GRIK2: variants seen among roughly 807,000 people sequenced by gnomAD.
GRIK2 encodes glutamate receptor ionotropic, kainate 2.
A neutral mutation model predicts 100.3 loss-of-function variants in GRIK2; 32 were observed. That is an observed-to-expected ratio of 0.32 (90% CI 0.24 to 0.43). The LOEUF is 0.43. GRIK2 is among the 20% of genes least tolerant of loss of function. The pLI, the probability that GRIK2 is intolerant of heterozygous loss-of-function variation, is 1.00. For missense variants in GRIK2, 843 were observed against 1,114.9 expected, an observed-to-expected ratio of 0.76 and a Z score of 3.47; for synonymous variants, 417 against 389.4, an observed-to-expected ratio of 1.07 and a Z score of -0.83.
chr6:101,835,651 G>A (rs2128430673), intron 10 of GRIK2, among the ~76,000 whole-genome samples: 1 of 149,482 alleles, frequency 6.7e-6, no homozygotes, highest in East Asian at 2.0e-4. Context: ...TTGTATTTTA[G>A]TAGAGATGGG....
intron 7 of GRIK2, among the ~76,000 whole-genome samples, chr6:101,715,342 C>T (rs1773991225): frequency 6.6e-6 from 1 of 151,624 alleles, no homozygotes; most frequent in African/African-American, 2.4e-5. Context: ...AGGGACAGAT[C>T]CCCCACCTGA....
intron 2 of GRIK2, among the ~76,000 whole-genome samples, chr6:101,461,910 T>A (rs891656481): frequency 3.3e-5 from 5 of 152,198 alleles, no homozygotes; most frequent in Admixed American, 6.5e-5. Context: ...ACCAGCATGT[T>A]GGAGTGTTAT....
At chr6:101,934,070 T>C (rs1031487726) in intron 14 of GRIK2, among the ~76,000 whole-genome samples, 3 of 151,804 alleles carry the variant, frequency 2.0e-5, no homozygotes, top group African/African-American at 7.2e-5. Context: ...TTCCAGCTCA[T>C]TTATCTTCAG....
intron 11 of GRIK2, among the ~76,000 whole-genome samples, 188 bp downstream of exon 11, chr6:101,859,681 T>C (rs948634171): frequency 6.6e-6 from 1 of 152,198 alleles, no homozygotes; most frequent in African/African-American, 2.4e-5. Context: ...TATATAGCCC[T>C]ATATATGTAA....
At chr6:101,546,016 T>C (rs1413799900) in intron 2 of GRIK2, among the ~76,000 whole-genome samples, 2 of 151,792 alleles carry the variant, frequency 1.3e-5, no homozygotes, top group Non-Finnish European at 1.5e-5. Flanking sequence ...CATTCATCTC[T>C]TCCATGCAGC....
intron 7 of GRIK2, among the ~76,000 whole-genome samples, chr6:101,752,141 T>C (rs1352437609): frequency 6.6e-6 from 1 of 152,236 alleles, no homozygotes; most frequent in African/African-American, 2.4e-5. Flanking sequence ...CCTTATATGT[T>C]AATTTTTGTA....
At chr6:101,696,436 G>A (rs1053129158) in intron 7 of GRIK2, among the ~76,000 whole-genome samples, 1 of 151,428 alleles carries the variant, frequency 6.6e-6, no homozygotes, top group Non-Finnish European at 1.5e-5. Flanking sequence ...CTGCCTAATT[G>A]ATCCAAAAAA....
At chr6:101,676,568 CCTACT>C (rs1281597181) in intron 4 of GRIK2, 50 bp from the exon 5 acceptor site, 1 of 993,528 alleles carries the variant, frequency 1.0e-6, no homozygotes, top group Non-Finnish European at 1.5e-6. Flanking sequence ...GATTCTTTGC[CCTACT>C]CTATTTTTTA....
rs143281515 is a variant in GRIK2, at chr6:101,801,693, C to T, written c.1096-638C>T. ...TTCTATAACCAACAGAATGGGAAAA[C>T]TTTTTACGTTAAAAAAGTCCAGATA... On this transcript the variant is annotated intron_variant, in intron 8 of 16. Transcript: ENST00000369134. Among the ~76,000 whole-genome samples, 51 of 151,958 alleles carry T rather than the reference C, an allele frequency of 3.4e-4. 1 individual carries two copies. In the East Asian group the frequency reaches 9.3e-3, roughly 28 times the overall value.
rs2243351 is a variant in GRIK2 at position 101,676,595 on chromosome 6, CTT to C, written c.542-17_542-16del. The stretch of plus-strand genomic sequence containing the variant: ...TACTCTATTTTTTATCTCTAATATT[CTT>C]TTTTTTTTTTCCATTTTAATTAAAG... On this transcript the variant is annotated intron_variant, in intron 4 of 16. Coordinates refer to ENST00000369134, the MANE Select transcript of GRIK2 (RefSeq NM_021956.5). 6,470 of 1,046,828 alleles carry C rather than the reference CTT, an allele frequency of 6.2e-3. 194 individuals are homozygous for C. The African/African-American group carries it at 0.082, about 13-fold the overall frequency. The allele number at this position is 1,046,828 out of a possible 1,614,324, so 64.8% of individuals were successfully genotyped here.
At chr6:101,547,968 C>A (rs1361373011) in intron 2 of GRIK2, among the ~76,000 whole-genome samples, 1 of 152,088 alleles carries the variant, frequency 6.6e-6, no homozygotes, top group Non-Finnish European at 1.5e-5. Flanking sequence ...TCTCCACATC[C>A]TCTCCAGCAC....
chr6:101,471,011 A>T (rs1031255077), intron 2 of GRIK2, among the ~76,000 whole-genome samples: 4 of 152,118 alleles, frequency 2.6e-5, no homozygotes, highest in African/African-American at 9.7e-5. Flanking sequence ...ACCTTTTGAT[A>T]TTCTTTTTGT....
At chr6:101,912,137 C>T (rs12208407) in intron 12 of GRIK2, among the ~76,000 whole-genome samples, 13,020 of 149,052 alleles carry the variant, frequency 0.087, 789 homozygotes, top group Middle Eastern at 0.21. Flanking sequence ...GAAATCAGCA[C>T]TATAGACAAG....
In GRIK2 at chr6:102,041,813, G is replaced by A. The variant is rs1000683198; in HGVS notation, c.2311+6247G>A. Reference sequence around the variant, plus strand: ...TTTTAGAAAATTAAAAAAAAAAAGTGTTTTGAAGAAATGTTCTCTAATAAT... The same window carrying A: ...TTTTAGAAAATTAAAAAAAAAAAGTATTTTGAAGAAATGTTCTCTAATAAT... On this transcript the variant is annotated intron_variant, in intron 15 of 16. Coordinates refer to ENST00000369134, the MANE Select transcript of GRIK2 (RefSeq NM_021956.5). Among the ~76,000 whole-genome samples, 4 of 151,190 alleles carry A rather than the reference G, an allele frequency of 2.6e-5. No homozygotes were observed. The South Asian group carries it at 6.2e-4, about 24-fold the overall frequency.
intron 7 of GRIK2, among the ~76,000 whole-genome samples, chr6:101,785,432 G>C (rs971697373): frequency 1.3e-5 from 2 of 152,106 alleles, no homozygotes; most frequent in East Asian, 3.9e-4. Flanking sequence ...TTTCCTTCTA[G>C]TAGTTTTATA....
At chr6:102,039,746 A>G (rs1385702724) in intron 15 of GRIK2, among the ~76,000 whole-genome samples, 1 of 151,604 alleles carries the variant, frequency 6.6e-6, no homozygotes, top group Non-Finnish European at 1.5e-5. Context: ...GTAGGAAAGC[A>G]GCAGTCTAGA....
At chr6:101,415,461 C>A (rs544789278) in intron 2 of GRIK2, among the ~76,000 whole-genome samples, 117 of 150,480 alleles carry the variant, frequency 7.8e-4, no homozygotes, top group African/African-American at 2.9e-3. Context: ...AGCTCTGCCC[C>A]CTGGGTTCAC....
chr6:101,559,081 T>A (rs1485065150), intron 2 of GRIK2, among the ~76,000 whole-genome samples: 1 of 152,144 alleles, frequency 6.6e-6, no homozygotes, highest in Admixed American at 6.5e-5. Context: ...TCTCTTAAAA[T>A]ACTTGCTGTG....
intron 2 of GRIK2, among the ~76,000 whole-genome samples, chr6:101,560,121 C>A (rs892049946): frequency 6.6e-6 from 1 of 152,018 alleles, no homozygotes; most frequent in African/African-American, 2.4e-5. Flanking sequence ...CCTTAGAACC[C>A]AATACCCCTC....
Sources: allele counts gnomAD v4.1 joint callset (sites outside exome capture counted in the v4.1 genomes callset), GRCh38; gene constraint gnomAD v4.1.1; transcripts MANE v1.5; gene names NCBI Gene and HGNC (gene_info 2026-07-23, HGNC 2026-07-21).